The following CHRNA7 variants were observed in gnomAD, a reference collection of about 807,000 sequenced individuals.
The protein encoded by CHRNA7 is neuronal acetylcholine receptor subunit alpha-7.
CHRNA7 carries 17 observed loss-of-function variants against 48.0 expected under a neutral mutation model. The observed-to-expected ratio is 0.35, with a 90% CI of 0.24 to 0.53. The LOEUF (loss-of-function observed/expected upper bound fraction) is 0.53, where lower values mean the gene tolerates loss of function less well. CHRNA7 is among the 20% of genes least tolerant of loss of function. The pLI is 0.92. For synonymous variants in CHRNA7, 75 were observed against 242.3 expected (o/e 0.31, Z 6.41); for missense variants, 155 against 577.7 (o/e 0.27, Z 7.50).
intron 2 of CHRNA7, among the ~76,000 whole-genome samples, chr15:32,055,917 T>G (rs569125636): frequency 3.3e-5 from 5 of 151,980 alleles, no homozygotes; most frequent in South Asian, 2.1e-4. Context: ...AGGCGGAGCT[T>G]GCAGTGAGCT....
In CHRNA7 at chr15:32,049,504, T is replaced by A. The variant is rs187020031; in HGVS notation, c.195+18467T>A. 2.0e-3 allele frequency among the ~76,000 whole-genome samples: 305 copies of A among 152,332 alleles called. 2 individuals carry two copies. The highest frequency in any genetic ancestry group is 6.8e-3 in the African/African-American group (281 of 41,568). Reference sequence around the variant, plus strand: ...TTTTGTTTTCCATTTGCTTGGTAGATCTTCCTCCATCCTTTAATTTTGAGG... The same window carrying A: ...TTTTGTTTTCCATTTGCTTGGTAGAACTTCCTCCATCCTTTAATTTTGAGG... On this transcript the variant is annotated intron_variant, in intron 2 of 9. Transcript: ENST00000306901.
At chr15:32,137,674 A>T (rs943062351) in intron 4 of CHRNA7, among the ~76,000 whole-genome samples, 1 of 152,258 alleles carries the variant, frequency 6.6e-6, no homozygotes, top group Non-Finnish European at 1.5e-5. Context: ...TTCCACTAGA[A>T]AATAAATATA....
chr15:32,050,867 C>G (rs1002150013), intron 2 of CHRNA7, among the ~76,000 whole-genome samples: 3 of 152,178 alleles, frequency 2.0e-5, no homozygotes, highest in Non-Finnish European at 4.4e-5. Flanking sequence ...TTCTAACAGA[C>G]AGGACCCTCA....
At chr15:32,166,396 A>G (rs1275447453) in intron 9 of CHRNA7, 2 of 152,224 alleles carry the variant, frequency 1.3e-5, no homozygotes, top group Non-Finnish European at 2.9e-5. Flanking sequence ...CCTTTCCAGG[A>G]CACGCAGAGT....
intron 4 of CHRNA7, among the ~76,000 whole-genome samples, chr15:32,135,899 A>G (rs2051247961): frequency 6.6e-6 from 1 of 152,242 alleles, no homozygotes; most frequent in East Asian, 1.9e-4. Context: ...GCAACAGTAG[A>G]AGCCAGAAAA....
chr15:32,154,805 A>G (rs1446503303), intron 5 of CHRNA7, among the ~76,000 whole-genome samples: 57 of 138,678 alleles, frequency 4.1e-4, no homozygotes, highest in Non-Finnish European at 6.8e-4. Context: ...CACACACACC[A>G]CTCACAACCA....
At chr15:32,081,353 G>A (rs193104538) in intron 2 of CHRNA7, among the ~76,000 whole-genome samples, 1 of 152,174 alleles carries the variant, frequency 6.6e-6, no homozygotes, top group East Asian at 1.9e-4. Context: ...TACATTTAAT[G>A]TAATTATTGG....
chr15:32,032,010 C>T (rs1901865717), intron 2 of CHRNA7, among the ~76,000 whole-genome samples: 1 of 152,124 alleles, frequency 6.6e-6, no homozygotes, highest in Non-Finnish European at 1.5e-5. Context: ...GTGCTAAGAG[C>T]TACCTGGCAA....
chr15:32,046,962 C>G (rs1172592953), intron 2 of CHRNA7, among the ~76,000 whole-genome samples: 2 of 151,110 alleles, frequency 1.3e-5, no homozygotes, highest in African/African-American at 4.9e-5. Context: ...TCAGGTTTGT[C>G]AAAGATCAGA....
chr15:32,081,369 TA>T (rs1476116342), intron 2 of CHRNA7, among the ~76,000 whole-genome samples: 1 of 152,202 alleles, frequency 6.6e-6, no homozygotes, highest in African/African-American at 2.4e-5. Context: ...ATTGGTATGT[TA>T]GGGGCTTATG....
chr15:32,158,285 C>CT, intron 6 of CHRNA7, 127 bp from the exon 7 acceptor site: 1 of 770,058 alleles, frequency 1.3e-6, no homozygotes, highest in Non-Finnish European at 1.8e-6. Context: ...ATTACAACCC[C>CT]CCCCTTTTTT....
chr15:32,077,576 A>T (rs953483317), intron 2 of CHRNA7, among the ~76,000 whole-genome samples: 2 of 152,174 alleles, frequency 1.3e-5, no homozygotes, highest in Non-Finnish European at 2.9e-5. Flanking sequence ...TCATATGTTG[A>T]TCTGTATGTC....
intron 3 of CHRNA7, chr15:32,111,558 C>T: frequency 2.3e-6 from 1 of 425,918 alleles, no homozygotes; most frequent in South Asian, 5.7e-5. Context: ...TTAATGATAC[C>T]ATCTGAATGT....
intron 2 of CHRNA7, among the ~76,000 whole-genome samples, chr15:32,046,151 C>A (rs1250654893): frequency 6.6e-6 from 1 of 151,972 alleles, no homozygotes; most frequent in Non-Finnish European, 1.5e-5. Context: ...GTCTTTATAG[C>A]AGCATGATTT....
At chr15:32,137,540 T>C (rs2051293815) in intron 4 of CHRNA7, among the ~76,000 whole-genome samples, 1 of 152,214 alleles carries the variant, frequency 6.6e-6, no homozygotes, top group African/African-American at 2.4e-5. Flanking sequence ...TGTACCTCTT[T>C]TAGTAATTGA....
intron 9 of CHRNA7, chr15:32,166,441 G>A (rs548631740): frequency 3.3e-5 from 5 of 152,240 alleles, no homozygotes; most frequent in African/African-American, 4.8e-5. Flanking sequence ...GGAAACAAAG[G>A]GTTATTTTTA....
In CHRNA7 at chr15:32,130,895, G is replaced by C. The variant is rs11852727; in HGVS notation, c.350+18996G>C. ...TTTTTTCTTCATCTGAAAATGTCTTGACATTTCTTCATTATTCCTGAAAGA... is the reference window on the plus strand; with the variant it reads ...TTTTTTCTTCATCTGAAAATGTCTTCACATTTCTTCATTATTCCTGAAAGA... On this transcript the variant is annotated intron_variant, in intron 4 of 9. Coordinates refer to ENST00000306901, the MANE Select transcript of CHRNA7 (RefSeq NM_000746.6). Among the ~76,000 whole-genome samples, 645 of 151,814 alleles carry C rather than the reference G, an allele frequency of 4.2e-3. 4 individuals are homozygous for C. The highest frequency in any genetic ancestry group is 0.015 in the African/African-American group (605 of 41,414).
chr15:32,030,950 C>T lies in CHRNA7; in HGVS notation c.108C>T (p.Asn36=), dbSNP rs1901802208. The T allele has an allele frequency of 6.2e-7, 1 of 1,614,196 alleles. No individual in the cohort carries two copies. The highest frequency in any genetic ancestry group is 8.5e-7 in the Non-Finnish European group (1 of 1,180,018). ...AGCTTTACAAGGAGCTGGTCAAGAA[C>T]TACAATCCCTTGGAGAGGCCCGTGG... ...QRKLYKELVK[N]YNPLERPVAN... is the part of the protein sequence containing the mutation. The change falls in exon 2 of 10, where the codon AAC becomes AAT. Residue 36 remains asparagine, a synonymous_variant. Transcript: ENST00000306901.
chr15:32,120,752 C>T (rs936199141), intron 4 of CHRNA7, among the ~76,000 whole-genome samples: 1 of 152,150 alleles, frequency 6.6e-6, no homozygotes, highest in Non-Finnish European at 1.5e-5. Context: ...CAACCCCCTG[C>T]ACCCCCAAGG....
Sources: gnomAD v4.1 joint callset for allele counts (sites outside exome capture counted in the v4.1 genomes callset) on GRCh38, gnomAD v4.1.1 for gene constraint, MANE v1.5 for transcripts, NCBI Gene and HGNC (gene_info 2026-07-23, HGNC 2026-07-21) for gene names.